RELN: variants seen among roughly 807,000 people sequenced by gnomAD.
The protein encoded by RELN is reelin.
Under a neutral mutation model 427.6 loss-of-function variants are expected in RELN, and 108 were observed. The observed-to-expected ratio is 0.25, with a 90% CI of 0.22 to 0.30. RELN has a LOEUF of 0.30. Ranked by LOEUF, RELN falls within the 10% of genes least tolerant of loss-of-function variation. The probability of loss-of-function intolerance (pLI) is 1.00; values close to 1 mark genes in which losing one functional copy is unlikely to be tolerated. For synonymous variants in RELN, 1,524 were observed against 1,513.4 expected (o/e 1.01, Z -0.16); for missense variants, 3,715 against 4,302.8 (o/e 0.86, Z 3.82).
chr7:103,668,570 G>A (rs1272823679), intron 11 of RELN, among the ~76,000 whole-genome samples: 19 of 152,132 alleles, frequency 1.2e-4, no homozygotes, highest in African/African-American at 3.9e-4. Context: ...ATGCCAGGAT[G>A]ATTAGGTTGA....
At chr7:103,853,141 G>A (rs942589302) in intron 2 of RELN, among the ~76,000 whole-genome samples, 7 of 151,836 alleles carry the variant, frequency 4.6e-5, no homozygotes, top group South Asian at 4.1e-4. Flanking sequence ...AATAGATTGC[G>A]GGGAAAATAG....
At chr7:103,887,225 C>T (rs959652558) in intron 2 of RELN, among the ~76,000 whole-genome samples, 7 of 152,264 alleles carry the variant, frequency 4.6e-5, no homozygotes, top group African/African-American at 1.7e-4. Context: ...TTTGACACCC[C>T]AGACAGCCTC....
At chr7:103,947,825 C>T (rs2116754615) in intron 1 of RELN, among the ~76,000 whole-genome samples, 1 of 152,140 alleles carries the variant, frequency 6.6e-6, no homozygotes, top group South Asian at 2.1e-4. Flanking sequence ...TAAATATTAC[C>T]CCTTACAATG....
At chr7:103,758,859 T>C (rs962797616) in intron 4 of RELN, among the ~76,000 whole-genome samples, 3 of 151,796 alleles carry the variant, frequency 2.0e-5, no homozygotes, top group African/African-American at 7.3e-5. Flanking sequence ...AGATGATGTT[T>C]TGGCAAAATA....
rs536459021 is a variant in RELN, at chr7:103,694,807, G to A, written c.1143+3046C>T. The stretch of plus-strand genomic sequence containing the variant: ...CTGGAGTAGCTGGGACTACAGGTGT[G>A]CACCACCATGCCTGGCTAGTTTTTT... On this transcript the variant is annotated intron_variant, in intron 10 of 64. Coordinates refer to ENST00000428762, the MANE Select transcript of RELN (RefSeq NM_005045.4). Among the ~76,000 whole-genome samples, 19 of 147,968 alleles carry A rather than the reference G, an allele frequency of 1.3e-4. No individual in the cohort carries two copies. In the South Asian group the frequency reaches 4.2e-3, roughly 33 times the overall value.
At chr7:103,825,335 G>A (rs956281408) in intron 3 of RELN, among the ~76,000 whole-genome samples, 3 of 152,114 alleles carry the variant, frequency 2.0e-5, no homozygotes, top group African/African-American at 7.2e-5. Context: ...GCAGCACTAA[G>A]TCCTGGGCAC....
rs1831766309 is a variant in RELN, at chr7:103,604,472, G to A, written c.3020C>T (p.Thr1007Ile). The change falls in exon 23 of 65, where the codon ACC (threonine) becomes ATC (isoleucine). Residue 1007 changes from threonine to isoleucine, a missense_variant. By Grantham distance (89) the Thr-to-Ile change is moderately conservative. Around this residue, in one of 4 missense-constraint regions of RELN, gnomAD observed 2,208 missense variants for 2,361.7 expected, o/e 0.93. Transcript: ENST00000428762. ...LLPQKTWSSATRFRWSQSYYT... is the reference protein window; with the variant it reads ...LLPQKTWSSAIRFRWSQSYYT... Reference sequence around the variant, plus strand: ...ATAGCTCTGGCTCCAGCGGAAACGGGTAGCACTGGACCTAGAAACACGGTA... The same window carrying A: ...ATAGCTCTGGCTCCAGCGGAAACGGATAGCACTGGACCTAGAAACACGGTA... 6.2e-7 allele frequency: 1 copy of A among 1,613,916 alleles called. No individual in the cohort carries two copies. The highest frequency in any genetic ancestry group is 8.5e-7 in the Non-Finnish European group (1 of 1,179,856).
chr7:103,633,066 G>A (rs1461096021), intron 19 of RELN, among the ~76,000 whole-genome samples: 1 of 152,020 alleles, frequency 6.6e-6, no homozygotes, highest in African/African-American at 2.4e-5. Context: ...GACTAACTTA[G>A]ATATATTAAA....
chr7:103,870,619 G>T (rs1334387082), intron 2 of RELN, among the ~76,000 whole-genome samples: 1 of 151,968 alleles, frequency 6.6e-6, no homozygotes, highest in African/African-American at 2.4e-5. Flanking sequence ...TGGCCTTCTG[G>T]TATCTCAGCT....
chr7:103,589,515 A>T, intron 28 of RELN, 81 bp downstream of exon 28: 1 of 924,670 alleles, frequency 1.1e-6, no homozygotes, highest in Non-Finnish European at 1.8e-6. Context: ...TTGATCTTTC[A>T]GGATTACAAC....
At chr7:103,672,605 A>G (rs1426003945) in intron 11 of RELN, among the ~76,000 whole-genome samples, 1 of 152,124 alleles carries the variant, frequency 6.6e-6, no homozygotes, top group Non-Finnish European at 1.5e-5. Flanking sequence ...CCATTTTAGC[A>G]CTTGTGTGGT....
chr7:103,934,249 G>A (rs1036657758), intron 1 of RELN, among the ~76,000 whole-genome samples: 2 of 152,026 alleles, frequency 1.3e-5, no homozygotes, highest in African/African-American at 4.8e-5. Flanking sequence ...TTTATACCTG[G>A]TGTCCTCTGT....
At chr7:103,718,732 C>T (rs1286626978) in intron 8 of RELN, among the ~76,000 whole-genome samples, 1 of 152,046 alleles carries the variant, frequency 6.6e-6, no homozygotes, top group Non-Finnish European at 1.5e-5. Context: ...ATTATGAGTC[C>T]CTGGGCTAGT....
chr7:103,677,867 T>C (rs1294627026), intron 11 of RELN, among the ~76,000 whole-genome samples: 2 of 150,958 alleles, frequency 1.3e-5, no homozygotes, highest in Non-Finnish European at 3.0e-5. Flanking sequence ...GCAGCATCCA[T>C]GACCTGGAGC....
At position 103,520,957 on chromosome 7, in the gene RELN, A is replaced by ATTTTTTTTTTTTTT. The variant is rs55830035; in HGVS notation, c.7668+1051_7668+1064dup. 2.8e-4 allele frequency among the ~76,000 whole-genome samples: 22 copies of ATTTTTTTTTTTTTT among 79,208 alleles called. 2 individuals are homozygous for ATTTTTTTTTTTTTT. The highest frequency in any genetic ancestry group is 1.5e-3 in the East Asian group (4 of 2,600). The allele number at this position is 79,208 out of a possible 152,430, so 52.0% of individuals were successfully genotyped here. On this transcript the variant is annotated intron_variant, in intron 48 of 64. Coordinates refer to ENST00000428762, the MANE Select transcript of RELN (RefSeq NM_005045.4). The stretch of plus-strand genomic sequence containing the variant: ...ATAAAGAGCTGGCAGTAAATTTGTT[A>ATTTTTTTTTTTTTT]TTTTTTTTTTTTTTTTTTTTTTTTT...
chr7:103,869,938 G>A (rs534530693), intron 2 of RELN, among the ~76,000 whole-genome samples: 13 of 152,098 alleles, frequency 8.5e-5, no homozygotes, highest in East Asian at 1.9e-4. Context: ...AAACTCTGTC[G>A]CATTTGATCT....
rs543631951 is a variant in RELN at position 103,794,924 on chromosome 7, A to G, written c.474-18297T>C. On this transcript the variant is annotated intron_variant, in intron 3 of 64. Transcript: ENST00000428762. The stretch of plus-strand genomic sequence containing the variant: ...TTGTAAGAACTCAGCCCATATCAAA[A>G]TTTCAATATTTACACAGAACATCGT... 1.2e-4 allele frequency among the ~76,000 whole-genome samples: 19 copies of G among 152,296 alleles called. No individual in the cohort carries two copies. The South Asian group carries it at 3.9e-3, about 32-fold the overall frequency.
intron 52 of RELN, 22 bp from the exon 53 acceptor site, chr7:103,500,944 A>G (rs1290246915): frequency 1.2e-6 from 2 of 1,613,276 alleles, no homozygotes; most frequent in South Asian, 1.1e-5. Flanking sequence ...GCAAAAGCAA[A>G]GGAGTGAAAA....
intron 2 of RELN, among the ~76,000 whole-genome samples, chr7:103,835,206 T>C (rs551143664): frequency 3.3e-5 from 5 of 152,204 alleles, no homozygotes; most frequent in Non-Finnish European, 5.9e-5. Context: ...AAAGGCTACA[T>C]AGTGTATAAT....
Sources: allele counts gnomAD v4.1 joint callset (sites outside exome capture counted in the v4.1 genomes callset), GRCh38; gene constraint gnomAD v4.1.1; regional missense constraint gnomAD v4.1.1; transcripts MANE v1.5; gene names NCBI Gene and HGNC (gene_info 2026-07-23, HGNC 2026-07-21).